Variants in TRAPPC10 observed in about 807,000 individuals in gnomAD.
The protein encoded by TRAPPC10 is trafficking protein particle complex subunit 10.
In TRAPPC10, 23 loss-of-function variants were observed where a neutral mutation model predicts 125.5. That is an observed-to-expected ratio of 0.18 (90% CI 0.13 to 0.26). The LOEUF (loss-of-function observed/expected upper bound fraction) is 0.26. Ranked by LOEUF, TRAPPC10 falls within the 10% of genes least tolerant of loss-of-function variation. The pLI, the probability that TRAPPC10 is intolerant of heterozygous loss-of-function variation, is 1.00. For missense variants in TRAPPC10, 1,123 were observed against 1,308.4 expected, an observed-to-expected ratio of 0.86 and a Z score of 2.19; for synonymous variants, 509 against 518.0, an observed-to-expected ratio of 0.98 and a Z score of 0.24.
chr21:44,091,774 T>A (rs1011118745), intron 18 of TRAPPC10, 149 bp from the exon 19 acceptor site: 5 of 772,152 alleles, frequency 6.5e-6, no homozygotes, highest in Admixed American at 2.9e-5. Flanking sequence ...CGGTGTGAAA[T>A]CTGAAGGGAA....
chr21:44,062,885 T>A, intron 6 of TRAPPC10: 1 of 985,462 alleles, frequency 1.0e-6, no homozygotes, highest in Non-Finnish European at 1.2e-6. Flanking sequence ...TTTTTTTCAA[T>A]AATGATTGAT....
At chr21:44,017,873 G>T (rs1042825729) in intron 1 of TRAPPC10, among the ~76,000 whole-genome samples, 3 of 152,106 alleles carry the variant, frequency 2.0e-5, no homozygotes, top group Non-Finnish European at 4.4e-5. Flanking sequence ...CTTGTGTGGG[G>T]TTCCTACACC....
chr21:44,064,344 T>A (rs867012811), intron 7 of TRAPPC10, among the ~76,000 whole-genome samples: 1 of 151,448 alleles, frequency 6.6e-6, no homozygotes, highest in Non-Finnish European at 1.5e-5. Flanking sequence ...TGTGTGAGTG[T>A]GAGAATGTAG....
intron 3 of TRAPPC10, among the ~76,000 whole-genome samples, chr21:44,051,666 A>C (rs767374125): frequency 1.3e-5 from 2 of 152,254 alleles, no homozygotes; most frequent in Non-Finnish European, 2.9e-5. Context: ...GAAGTAGAGC[A>C]GCCTTGCGGA....
At position 44,032,281 on chromosome 21, in the gene TRAPPC10, T is replaced by C. The variant is rs149522150; in HGVS notation, c.149+109T>C. ...TAGACATTTATGTGAACAAGTGAAG[T>C]AGCACAAGTTAAAAGCCTCAGTTCT... On this transcript the variant is annotated intron_variant, in intron 2 of 22. Transcript: ENST00000291574. The C allele has an allele frequency of 3.6e-6, 3 of 842,650 alleles. No homozygotes were observed. In the East Asian group the frequency reaches 8.0e-5, roughly 22 times the overall value. 52.2% of individuals were successfully genotyped at this position (842,650 alleles called of 1,614,324 possible).
chr21:44,084,289 G>C, intron 15 of TRAPPC10, 26 bp downstream of exon 15: 1 of 1,608,470 alleles, frequency 6.2e-7, no homozygotes, highest in South Asian at 1.1e-5. Context: ...AGCCTTTGAG[G>C]AGGCGTGCTG....
At chr21:44,032,216 T>C in intron 2 of TRAPPC10, 44 bp downstream of exon 2, 1 of 1,481,958 alleles carries the variant, frequency 6.7e-7, no homozygotes, top group Non-Finnish European at 9.3e-7. Flanking sequence ...TCTTCATTTT[T>C]TAAAATGAAG....
chr21:44,049,553 C>A (rs2035093998), intron 3 of TRAPPC10, among the ~76,000 whole-genome samples: 1 of 152,210 alleles, frequency 6.6e-6, no homozygotes, highest in Middle Eastern at 3.2e-3. Context: ...GGGGGATGCC[C>A]TTTGTGCCCT....
chr21:44,037,536 G>T (rs1266577220), intron 2 of TRAPPC10, among the ~76,000 whole-genome samples: 1 of 152,168 alleles, frequency 6.6e-6, no homozygotes, highest in Non-Finnish European at 1.5e-5. Context: ...GCAGTACTTG[G>T]AAGAATGTAT....
rs2038292635 is a variant in TRAPPC10, at chr21:44,088,311, A to C, written c.2769+383A>C. 3 of 223,930 alleles carry C rather than the reference A, an allele frequency of 1.3e-5. No individual in the cohort carries two copies. In the Admixed American group the frequency reaches 1.5e-4, roughly 12 times the overall value. 13.9% of individuals were successfully genotyped at this position (223,930 alleles called of 1,614,324 possible). On this transcript the variant is annotated intron_variant, in intron 17 of 22. Coordinates refer to ENST00000291574, the MANE Select transcript of TRAPPC10 (RefSeq NM_003274.5). ...TCCACTGAAACTCATAAGCTCAGCC[A>C]CGGAGGAGCTGTCTCATTTTAGGCT... is the stretch of plus-strand genomic sequence containing the variant.
chr21:44,075,199 T>C, intron 9 of TRAPPC10, 46 bp downstream of exon 9: 1 of 1,384,204 alleles, frequency 7.2e-7, no homozygotes, highest in Non-Finnish European at 1.0e-6. Context: ...TGGACAGTAA[T>C]GAAAATGTCC....
chr21:44,034,238 T>A (rs953573819), intron 2 of TRAPPC10, among the ~76,000 whole-genome samples: 2 of 151,902 alleles, frequency 1.3e-5, no homozygotes, highest in Non-Finnish European at 1.5e-5. Context: ...GGGCTGGAGA[T>A]GGGGGTTGGC....
rs774826451 is a variant in TRAPPC10 at position 44,055,785 on chromosome 21, T to G, written c.570T>G (p.Leu190=). 4.3e-6 allele frequency: 7 copies of G among 1,614,020 alleles called. No individual in the cohort carries two copies. The highest frequency in any genetic ancestry group is 5.9e-6 in the Non-Finnish European group (7 of 1,179,914). ...TCCTGACCAAACTCAGGACATTGCT[T>G]CTTATGTCTTTTACCAAAAACCTAG... ...NAFLTKLRTL[L]LMSFTKNLGK... The change falls in exon 5 of 23, where the codon CTT becomes CTG. Residue 190 remains leucine (L), a synonymous_variant. Coordinates refer to ENST00000291574, the MANE Select transcript of TRAPPC10 (RefSeq NM_003274.5).
At position 44,063,069 on chromosome 21, in the gene TRAPPC10, C is replaced by T. The variant is rs2838479; in HGVS notation, c.791-469C>T. ...TTCCTCCAGGAGCTTGACTCAGGGA[C>T]GTGACGTGGTTGAGTTAGGGAAATA... On this transcript the variant is annotated intron_variant, in intron 6 of 22. Transcript: ENST00000291574. The surrounding 1 kb of genome is among the most constrained non-coding windows in gnomAD (Gnocchi z 4.4). The T allele has an allele frequency of 0.032, 41,672 of 1,304,100 alleles. 3,107 individuals carry two copies. The highest frequency in any genetic ancestry group is 0.25 in the African/African-American group (16,597 of 65,844). 80.8% of individuals were successfully genotyped at this position (1,304,100 alleles called of 1,614,324 possible).
At chr21:44,016,009 A>G (rs1314931923) in intron 1 of TRAPPC10, among the ~76,000 whole-genome samples, 1 of 152,226 alleles carries the variant, frequency 6.6e-6, no homozygotes, top group African/African-American at 2.4e-5. Context: ...TCTTAAACTC[A>G]GAACTAGTTA....
At chr21:44,049,686 C>T (rs1294151677) in intron 3 of TRAPPC10, among the ~76,000 whole-genome samples, 1 of 152,180 alleles carries the variant, frequency 6.6e-6, no homozygotes, top group African/African-American at 2.4e-5. Flanking sequence ...GGACACCCTC[C>T]TCACTGCTGA....
intron 15 of TRAPPC10, among the ~76,000 whole-genome samples, chr21:44,085,948 G>A (rs2146142160): frequency 6.6e-6 from 1 of 152,258 alleles, no homozygotes; most frequent in South Asian, 2.1e-4. Context: ...AATCACAAAG[G>A]GCATTTTTCT....
intron 4 of TRAPPC10, among the ~76,000 whole-genome samples, chr21:44,054,802 G>T (rs1422735970): frequency 6.6e-6 from 1 of 152,222 alleles, no homozygotes; most frequent in Admixed American, 6.5e-5. Flanking sequence ...AGGGATAGAG[G>T]TCCAGAGAAG....
rs181692944 is a variant in TRAPPC10, at chr21:44,100,930, C to T, written c.3347-1848C>T. Among the ~76,000 whole-genome samples, 2 of 66,136 alleles carry T rather than the reference C, an allele frequency of 3.0e-5. 1 individual carries two copies. The highest frequency in any genetic ancestry group is 9.8e-5 in the Non-Finnish European group (2 of 20,416). The allele number at this position is 66,136 out of a possible 152,430, so 43.4% of individuals were successfully genotyped here. A position where few individuals can be genotyped will look rare whatever the true frequency, so the allele number is the denominator to read the frequency against. On this transcript the variant is annotated intron_variant, in intron 21 of 22. Transcript: ENST00000291574. ...CAGCACTTTGGGGGGCTGAGGCAGGCGGATCACCTGAGGTCAGGAGTTCAA... is the reference window on the plus strand; with the variant it reads ...CAGCACTTTGGGGGGCTGAGGCAGGTGGATCACCTGAGGTCAGGAGTTCAA...
Sources: allele counts gnomAD v4.1 joint callset (sites outside exome capture counted in the v4.1 genomes callset), GRCh38; gene constraint gnomAD v4.1.1; non-coding constraint Gnocchi (gnomAD v3.1); transcripts MANE v1.5; gene names NCBI Gene and HGNC (gene_info 2026-07-23, HGNC 2026-07-21).